Variants in NPNT observed in about 807,000 individuals in gnomAD.
NPNT encodes the protein nephronectin, also known as preosteoblast EGF-like repeat protein with MAM domain.
In NPNT, 45 loss-of-function variants were observed where a neutral mutation model predicts 68.6. That is an observed-to-expected ratio of 0.66 (90% CI 0.52 to 0.84). The LOEUF (loss-of-function observed/expected upper bound fraction) is 0.84, where lower values mean the gene tolerates loss of function less well. NPNT is among the 40% of genes least tolerant of loss of function. NPNT has a pLI of 0.00. For missense variants in NPNT, 672 were observed against 714.8 expected (o/e 0.94, Z 0.68); for synonymous variants, 233 against 253.3 (o/e 0.92, Z 0.76).
At chr4:105,909,198 TACTA>T (rs1718513691) in intron 2 of NPNT, among the ~76,000 whole-genome samples, 1 of 152,234 alleles carries the variant, frequency 6.6e-6, no homozygotes, top group South Asian at 2.1e-4. Flanking sequence ...ATATTGCATA[TACTA>T]ACTGTGGTAA....
intron 7 of NPNT, 108 bp from the exon 8 acceptor site, chr4:105,942,199 T>C (rs1033334707): frequency 2.5e-6 from 2 of 801,050 alleles, no homozygotes; most frequent in African/African-American, 3.5e-5. Context: ...ATTCTAAATG[T>C]GAAAAATGAT....
chr4:105,906,610 A>T (rs1726918840), intron 2 of NPNT, among the ~76,000 whole-genome samples: 1 of 152,228 alleles, frequency 6.6e-6, no homozygotes, highest in Admixed American at 6.5e-5. Context: ...AATCACTAAC[A>T]ATGTTCTGAA....
chr4:105,969,512 A>C lies in NPNT; in HGVS notation c.*522A>C, dbSNP rs1732420752. On this transcript the variant is annotated 3_prime_UTR_variant, in exon 12 of 12. Coordinates refer to ENST00000379987, the MANE Select transcript of NPNT (RefSeq NM_001033047.3). ...GACCTGAACTCTGACTTTTACTGCC[A>C]TTCACTTTATAAAATAAGGGTGTGT... 1 of 152,248 alleles carries C rather than the reference A, an allele frequency of 6.6e-6. No homozygotes were observed. The highest frequency in any genetic ancestry group is 2.1e-4 in the South Asian group (1 of 4,830). 9.4% of individuals were successfully genotyped at this position (152,248 alleles called of 1,614,324 possible). A position where few individuals can be genotyped will look rare whatever the true frequency, so the allele number is the denominator to read the frequency against.
At chr4:105,898,462 G>A (rs917695266) in intron 2 of NPNT, among the ~76,000 whole-genome samples, 14 of 151,204 alleles carry the variant, frequency 9.3e-5, no homozygotes, top group Non-Finnish European at 1.0e-4. Context: ...AAGATAATGA[G>A]TCTAGACCGT....
At chr4:105,963,846 T>C (rs1169667719) in intron 10 of NPNT, among the ~76,000 whole-genome samples, 1 of 151,696 alleles carries the variant, frequency 6.6e-6, no homozygotes, top group Non-Finnish European at 1.5e-5. Flanking sequence ...AAATCAACAA[T>C]ATAAGTGAAA....
intron 5 of NPNT, among the ~76,000 whole-genome samples, chr4:105,939,224 T>G (rs566507276): frequency 2.6e-5 from 4 of 152,280 alleles, no homozygotes; most frequent in African/African-American, 9.6e-5. Context: ...AGTGTTAACA[T>G]GAGGTACTGA....
chr4:105,968,778 T>A, intron 11 of NPNT, 117 bp from the exon 12 acceptor site: 1 of 609,318 alleles, frequency 1.6e-6, no homozygotes, highest in Non-Finnish European at 3.0e-6. Flanking sequence ...GTTTTTTTCC[T>A]CCTGCAAAAT....
At chr4:105,912,116 A>G in intron 2 of NPNT, 1 of 1,057,440 alleles carries the variant, frequency 9.5e-7, no homozygotes, top group South Asian at 1.3e-5. Context: ...TAACAAGTTG[A>G]TAAATACCCA....
intron 8 of NPNT, among the ~76,000 whole-genome samples, chr4:105,955,491 A>C (rs886306597): frequency 2.6e-5 from 4 of 152,158 alleles, no homozygotes; most frequent in Admixed American, 1.3e-4. Context: ...TTTATATGTG[A>C]TCTAACAGAA....
Position 105,895,546 on chromosome 4 carries a change from G to T in NPNT, c.-107G>T. 1 of 917,060 alleles carries T rather than the reference G, an allele frequency of 1.1e-6. No homozygotes were observed. The allele number at this position is 917,060 out of a possible 1,614,324, so 56.8% of individuals were successfully genotyped here. A position where few individuals can be genotyped will look rare whatever the true frequency, so the allele number is the denominator to read the frequency against. ...GGCAGCAGTAGCCCGGGCGGCGAGGGCTGGGGGTTCCTCGAGACTCTCAGA... is the reference window on the plus strand; with the variant it reads ...GGCAGCAGTAGCCCGGGCGGCGAGGTCTGGGGGTTCCTCGAGACTCTCAGA... On this transcript the variant is annotated 5_prime_UTR_variant, in exon 1 of 12. Coordinates refer to ENST00000379987, the MANE Select transcript of NPNT (RefSeq NM_001033047.3).
chr4:105,910,260 C>T (rs1578588764), intron 2 of NPNT, among the ~76,000 whole-genome samples: 2 of 152,114 alleles, frequency 1.3e-5, no homozygotes, highest in Non-Finnish European at 2.9e-5. Context: ...ATTCCAACCA[C>T]GTATAGTAAA....
intron 6 of NPNT, 120 bp downstream of exon 6, chr4:105,940,329 A>G: frequency 5.4e-6 from 6 of 1,118,420 alleles, no homozygotes; most frequent in Admixed American, 1.8e-5. Flanking sequence ...AGTTAAACCA[A>G]CAGACATCCA....
chr4:105,961,875 G>A (rs901421353), intron 10 of NPNT, among the ~76,000 whole-genome samples: 8 of 152,122 alleles, frequency 5.3e-5, no homozygotes, highest in Non-Finnish European at 7.4e-5. Flanking sequence ...ACCAAACTAC[G>A]GTTGACTCAA....
At chr4:105,946,671 G>A (rs777515089) in intron 8 of NPNT, among the ~76,000 whole-genome samples, 11 of 152,172 alleles carry the variant, frequency 7.2e-5, no homozygotes, top group South Asian at 2.1e-4. Context: ...GGAGTGGGTC[G>A]CAAGATCACA....
At chr4:105,916,890 A>T (rs982850627) in intron 2 of NPNT, among the ~76,000 whole-genome samples, 8 of 152,162 alleles carry the variant, frequency 5.3e-5, no homozygotes, top group Non-Finnish European at 1.0e-4. Flanking sequence ...AAAGGGATTT[A>T]AAAAAAAGAT....
chr4:105,913,926 C>T (rs1411862230), intron 2 of NPNT, among the ~76,000 whole-genome samples: 1 of 151,982 alleles, frequency 6.6e-6, no homozygotes, highest in African/African-American at 2.4e-5. Context: ...TGAATGTGAG[C>T]ATTTAGAGTT....
At chr4:105,958,063 G>T (rs193240584) in intron 8 of NPNT, among the ~76,000 whole-genome samples, 1 of 152,064 alleles carries the variant, frequency 6.6e-6, no homozygotes, top group Non-Finnish European at 1.5e-5. Flanking sequence ...CAAACCATTC[G>T]CTTCCATCAT....
In NPNT at chr4:105,897,946, TGGGA is replaced by T; in HGVS notation, c.120_123del (p.Arg41LeufsTer49). 6.2e-7 allele frequency: 1 copy of T among 1,613,718 alleles called. No individual in the cohort carries two copies. The highest frequency in any genetic ancestry group is 8.5e-7 in the Non-Finnish European group (1 of 1,179,856). On this transcript the variant is annotated frameshift_variant, in exon 2 of 12. Transcript: ENST00000379987. LOFTEE classifies it high-confidence loss of function. ...CATCGATTGGCCTATGTCGTTATGG[TGGGA>T]GGATTGACTGCTGCTGGGGCTGGGC...
Position 105,897,986 on chromosome 4 carries a change from T to A in NPNT, c.157T>A (p.Trp53Arg), listed in dbSNP as rs368126153. ...DCCWGWARQS[W>R]GQCQPVCQPR... ...CTGCTGGGGCTGGGCTCGCCAGTCT[T>A]GGGGACAGTGTCAGCGTGAGTATCA... Residue 53 changes from tryptophan to arginine, a missense_variant, in exon 2 of 12, where the codon TGG (tryptophan) becomes AGG (arginine). Coordinates refer to ENST00000379987, the MANE Select transcript of NPNT (RefSeq NM_001033047.3). 9.9e-6 allele frequency: 16 copies of A among 1,609,656 alleles called. No homozygotes were observed. The African/African-American group carries it at 1.5e-4, about 15-fold the overall frequency.
Sources: gnomAD v4.1 joint callset for allele counts (sites outside exome capture counted in the v4.1 genomes callset) on GRCh38, gnomAD v4.1.1 for gene constraint, MANE v1.5 for transcripts, NCBI Gene and HGNC (gene_info 2026-07-23, HGNC 2026-07-21) for gene names.